The following GRM8 variants were observed in gnomAD, a reference collection of about 807,000 sequenced individuals.
GRM8 encodes metabotropic glutamate receptor 8.
Under a neutral mutation model 87.2 loss-of-function variants are expected in GRM8, and 47 were observed. The observed-to-expected ratio is 0.54, with a 90% CI of 0.43 to 0.69. The LOEUF (loss-of-function observed/expected upper bound fraction) is 0.69. GRM8 is among the 30% of genes least tolerant of loss of function. The pLI is 0.00. For missense variants in GRM8, 1,019 were observed against 1,139.2 expected, an observed-to-expected ratio of 0.89 and a Z score of 1.52; for synonymous variants, 396 against 404.5, an observed-to-expected ratio of 0.98 and a Z score of 0.25.
chr7:126,756,006 T>C (rs1451971520), intron 7 of GRM8, among the ~76,000 whole-genome samples: 1 of 152,008 alleles, frequency 6.6e-6, no homozygotes, highest in East Asian at 1.9e-4. Flanking sequence ...ACAATATTTA[T>C]GTTCCTTCAG....
chr7:127,098,996 G>C (rs998545883), intron 3 of GRM8, among the ~76,000 whole-genome samples: 1 of 152,040 alleles, frequency 6.6e-6, no homozygotes, highest in East Asian at 1.9e-4. Flanking sequence ...TAGCTTCCTT[G>C]CCCCTTATAA....
intron 2 of GRM8, among the ~76,000 whole-genome samples, chr7:127,114,236 A>G (rs533844261): frequency 6.6e-6 from 1 of 152,324 alleles, no homozygotes; most frequent in Admixed American, 6.5e-5. Flanking sequence ...TAGTTGATTC[A>G]GAGCAGGATG....
intron 9 of GRM8, among the ~76,000 whole-genome samples, chr7:126,457,769 A>G (rs1345512461): frequency 1.3e-5 from 2 of 150,996 alleles, no homozygotes; most frequent in Non-Finnish European, 3.0e-5. Context: ...AATCCAATCA[A>G]TATAGAAGGA....
intron 7 of GRM8, among the ~76,000 whole-genome samples, chr7:126,710,118 T>C (rs897064749): frequency 6.6e-6 from 1 of 152,226 alleles, no homozygotes; most frequent in East Asian, 1.9e-4. Flanking sequence ...AGAAAGTGCA[T>C]AATTTATTTT....
chr7:126,617,611 T>G (rs959727261), intron 7 of GRM8, among the ~76,000 whole-genome samples: 2 of 152,166 alleles, frequency 1.3e-5, no homozygotes, highest in Admixed American at 6.5e-5. Context: ...ATGACATGAT[T>G]GTATATTTAG....
In GRM8 at chr7:126,545,059, A is replaced by C. The variant is rs1443316485; in HGVS notation, c.1495-11172T>G. 2.6e-5 allele frequency among the ~76,000 whole-genome samples: 4 copies of C among 152,328 alleles called. No homozygotes were observed. In the East Asian group the frequency reaches 7.7e-4, roughly 29 times the overall value. On this transcript the variant is annotated intron_variant, in intron 8 of 10. Transcript: ENST00000339582. ...AATAATGGTTTCTGATATTTGTTAC[A>C]TGAAGTGCCCCATCTTTCACTCAAG...
At chr7:126,956,921 T>A (rs1202115545) in intron 3 of GRM8, among the ~76,000 whole-genome samples, 3 of 152,330 alleles carry the variant, frequency 2.0e-5, no homozygotes, top group Non-Finnish European at 2.9e-5. Context: ...GAATTAGTTA[T>A]AAACACAGAT....
At chr7:126,807,343 G>GA (rs149299768) in intron 6 of GRM8, among the ~76,000 whole-genome samples, 1 of 151,750 alleles carries the variant, frequency 6.6e-6, no homozygotes, top group Non-Finnish European at 1.5e-5. Context: ...GGTGCCTTAG[G>GA]AAAAAAAAGG....
At chr7:126,726,731 T>A (rs1813025862) in intron 7 of GRM8, among the ~76,000 whole-genome samples, 1 of 152,148 alleles carries the variant, frequency 6.6e-6, no homozygotes, top group African/African-American at 2.4e-5. Context: ...TTTATAAAAA[T>A]TGGTATATCT....
At chr7:126,475,212 T>C (rs1242741312) in intron 9 of GRM8, among the ~76,000 whole-genome samples, 4 of 152,136 alleles carry the variant, frequency 2.6e-5, no homozygotes, top group Non-Finnish European at 5.9e-5. Context: ...ACAAATGACA[T>C]GATTTTACAT....
At chr7:127,051,164 G>C (rs930010362) in intron 3 of GRM8, among the ~76,000 whole-genome samples, 1 of 152,126 alleles carries the variant, frequency 6.6e-6, no homozygotes, top group Non-Finnish European at 1.5e-5. Flanking sequence ...TCTGAAAGGT[G>C]GTCCCCACTT....
At chr7:126,599,165 C>T (rs1014578101) in intron 8 of GRM8, among the ~76,000 whole-genome samples, 6 of 152,072 alleles carry the variant, frequency 3.9e-5, no homozygotes, top group Admixed American at 2.6e-4. Flanking sequence ...AGAATAAAAG[C>T]CAGTGGTAAT....
Position 127,106,741 on chromosome 7 carries a change from C to T in GRM8, c.511-29G>A, listed in dbSNP as rs549357839. The T allele has an allele frequency of 2.1e-6, 3 of 1,451,230 alleles. No homozygotes were observed. The South Asian group carries it at 3.4e-5, about 17-fold the overall frequency. 89.9% of individuals were successfully genotyped at this position (1,451,230 alleles called of 1,614,324 possible). On this transcript the variant is annotated intron_variant, in intron 2 of 10. Coordinates refer to ENST00000339582, the MANE Select transcript of GRM8 (RefSeq NM_000845.3). The stretch of plus-strand genomic sequence containing the variant: ...CAAAACAAATGATGGGTCATTTCAA[C>T]CCATGACGAATCTTGAAGAATGATG...
chr7:126,737,264 G>C (rs1166847161), intron 7 of GRM8, among the ~76,000 whole-genome samples: 2 of 151,932 alleles, frequency 1.3e-5, no homozygotes, highest in Non-Finnish European at 2.9e-5. Context: ...ACCCAAGATG[G>C]ATAAGCTGGT....
At chr7:127,100,687 A>G (rs947961548) in intron 3 of GRM8, among the ~76,000 whole-genome samples, 2 of 152,176 alleles carry the variant, frequency 1.3e-5, no homozygotes, top group African/African-American at 4.8e-5. Flanking sequence ...TTAAACCATC[A>G]GACCTCATGA....
chr7:127,251,434 T>C (rs745689945), intron 1 of GRM8, among the ~76,000 whole-genome samples: 3 of 152,168 alleles, frequency 2.0e-5, no homozygotes, highest in Non-Finnish European at 4.4e-5. Context: ...GCTTCGCGCT[T>C]GGCATGGCTG....
intron 6 of GRM8, among the ~76,000 whole-genome samples, chr7:126,807,004 CCAA>C (rs907423960): frequency 4.6e-5 from 7 of 152,178 alleles, no homozygotes; most frequent in African/African-American, 1.7e-4. Context: ...GACGCCGAGG[CCAA>C]CAAGGAACCG....
chr7:126,559,916 C>T (rs1793536017), intron 8 of GRM8, among the ~76,000 whole-genome samples: 1 of 152,194 alleles, frequency 6.6e-6, no homozygotes, highest in East Asian at 1.9e-4. Context: ...AATCACTCTC[C>T]AGTCCTGAAT....
At chr7:126,606,191 A>C (rs1417061361) in intron 8 of GRM8, among the ~76,000 whole-genome samples, 1 of 152,194 alleles carries the variant, frequency 6.6e-6, no homozygotes. Context: ...GACAGTCAGC[A>C]TTTTAAATGC....
Sources: allele counts gnomAD v4.1 joint callset (sites outside exome capture counted in the v4.1 genomes callset), GRCh38; gene constraint gnomAD v4.1.1; transcripts MANE v1.5; gene names NCBI Gene and HGNC (gene_info 2026-07-23, HGNC 2026-07-21).